KIFC3: variants seen among roughly 807,000 people sequenced by gnomAD.
The protein encoded by KIFC3 is kinesin family member C3.
Under a neutral mutation model 101.8 loss-of-function variants are expected in KIFC3, and 60 were observed. The observed-to-expected ratio is 0.59, with a 90% CI of 0.48 to 0.73. KIFC3 has a LOEUF of 0.73. KIFC3 is among the 30% of genes least tolerant of loss of function. The pLI is 0.00. For synonymous variants in KIFC3, 476 were observed against 482.7 expected (o/e 0.99, Z 0.18); for missense variants, 966 against 1,137.1 (o/e 0.85, Z 2.16).
rs188778851 is a variant in KIFC3, at chr16:57,816,780, C to G, written c.109-18498G>C. 18 of 454,650 alleles carry G rather than the reference C, an allele frequency of 4.0e-5. No homozygotes were observed. The East Asian group carries it at 1.2e-3, about 32-fold the overall frequency. The allele number at this position is 454,650 out of a possible 1,614,324, so 28.2% of individuals were successfully genotyped here. On this transcript the variant is annotated intron_variant, in intron 1 of 2. Coordinates refer to the KIFC3 transcript ENST00000563028. ...CACAGGGACAGCCACCCCTTCCAGG[C>G]AGGAGCTCATGGGAAACCAAGACCA...
rs782618261 is a variant in KIFC3, at chr16:57,762,151, A to C, written c.1737T>G (p.Asn579Lys). 1 of 1,603,338 alleles carries C rather than the reference A, an allele frequency of 6.2e-7. No individual in the cohort carries two copies. The highest frequency in any genetic ancestry group is 8.5e-7 in the Non-Finnish European group (1 of 1,174,458). ...TITVSAAEIYNEVLRDLLGKE... is the reference protein window; with the variant it reads ...TITVSAAEIYKEVLRDLLGKE... ...CCTGGGGCTCCCACCTGAGGACCTCATTGTAGATCTCCGCAGCGCTGACGG... is the reference window on the plus strand; with the variant it reads ...CCTGGGGCTCCCACCTGAGGACCTCCTTGTAGATCTCCGCAGCGCTGACGG... The change falls in exon 13 of 20, where the codon AAT becomes AAG. Residue 579 changes from asparagine (N) to lysine (K), a missense_variant. Physicochemically the swap from Asn to Lys is moderately conservative, Grantham distance 94. Transcript: ENST00000445690.
intron 3 of KIFC3, chr16:57,782,108 G>A: frequency 1.0e-6 from 1 of 985,518 alleles, no homozygotes; most frequent in Non-Finnish European, 1.2e-6. Flanking sequence ...CCACAGTGAG[G>A]CCAGCAGGAG....
chr16:57,839,806 T>C (rs1391375277), intron 1 of KIFC3, among the ~76,000 whole-genome samples: 1 of 132,292 alleles, frequency 7.6e-6, no homozygotes, highest in East Asian at 2.1e-4. Context: ...TTAGTGATTT[T>C]TTCCCCCCTG....
At chr16:57,798,347 G>A (rs2149219984) in intron 1 of KIFC3, 65 bp from the exon 2 acceptor site, 1 of 1,429,140 alleles carries the variant, frequency 7.0e-7, no homozygotes, top group East Asian at 2.5e-5. Context: ...ACCTCGGGCA[G>A]AGCCAGCCAT....
chr16:57,784,531 C>T (rs976889534), intron 3 of KIFC3, among the ~76,000 whole-genome samples: 7 of 152,328 alleles, frequency 4.6e-5, no homozygotes, highest in Admixed American at 3.3e-4. Context: ...AACAGGCAGA[C>T]GTCGGCATGT....
intron 1 of KIFC3, among the ~76,000 whole-genome samples, chr16:57,840,629 G>T (rs1241197701): frequency 6.6e-6 from 1 of 151,676 alleles, no homozygotes; most frequent in Non-Finnish European, 1.5e-5. Context: ...CCATGGTGGC[G>T]CATGGCTGTA....
chr16:57,806,855 G>A (rs1386991792), upstream of KIFC3, among the ~76,000 whole-genome samples: 2 of 152,172 alleles, frequency 1.3e-5, no homozygotes, highest in Non-Finnish European at 1.5e-5. Flanking sequence ...CCAATTAGCT[G>A]CTTTTTTGAA....
intron 1 of KIFC3, among the ~76,000 whole-genome samples, chr16:57,847,273 AAGGG>A (rs1302339297): frequency 5.5e-4 from 37 of 66,812 alleles, no homozygotes; most frequent in Middle Eastern, 9.6e-3. Context: ...GAAGGAAGGG[AAGGG>A]AGGGAGGGAG....
intron 1 of KIFC3, among the ~76,000 whole-genome samples, chr16:57,811,672 T>A (rs2055077360): frequency 6.6e-6 from 1 of 152,004 alleles, no homozygotes; most frequent in Non-Finnish European, 1.5e-5. Context: ...TCCTAGCACT[T>A]TGGGAGGCTG....
chr16:57,798,492 G>A (rs1555624285), intron 1 of KIFC3: 7 of 595,648 alleles, frequency 1.2e-5, no homozygotes, highest in African/African-American at 5.8e-5. Context: ...TTCCGAATAC[G>A]GAGGCTCCGA....
At chr16:57,816,159 A>C in intron 1 of KIFC3, 1 of 1,237,214 alleles carries the variant, frequency 8.1e-7, no homozygotes, top group Non-Finnish European at 1.0e-6. Flanking sequence ...GGGGAGAGGA[A>C]AGGGGAGGGT....
intron 1 of KIFC3, among the ~76,000 whole-genome samples, chr16:57,848,653 A>T (rs1382973595): frequency 1.3e-5 from 2 of 152,176 alleles, no homozygotes; most frequent in African/African-American, 4.8e-5. Context: ...AAAGACGCCC[A>T]TATGAAGCTA....
chr16:57,770,070 A>ATGTGTGTGTG, intron 7 of KIFC3, 115 bp from the exon 8 acceptor site: 3 of 1,212,822 alleles, frequency 2.5e-6, no homozygotes, highest in Non-Finnish European at 3.4e-6. Flanking sequence ...ATGCACACAC[A>ATGTGTGTGTG]CATGTGCACA....
At chr16:57,786,209 A>G (rs2053304942) in intron 3 of KIFC3, among the ~76,000 whole-genome samples, 1 of 152,136 alleles carries the variant, frequency 6.6e-6, no homozygotes, top group African/African-American at 2.4e-5. Context: ...AGCCAGCCCC[A>G]CACATGGAGC....
chr16:57,853,702 G>A (rs148700254), intron 1 of KIFC3, among the ~76,000 whole-genome samples: 1,598 of 152,198 alleles, frequency 0.01, 19 homozygotes, highest in South Asian at 0.046. Flanking sequence ...CACAATCTCC[G>A]CTCACTGCAA....
At chr16:57,808,130 T>C (rs2054984748), upstream of KIFC3, among the ~76,000 whole-genome samples, 2 of 152,188 alleles carry the variant, frequency 1.3e-5, no homozygotes, top group South Asian at 4.1e-4. Context: ...GGAGATTCCC[T>C]CCCTCCTAGC....
intron 2 of KIFC3, among the ~76,000 whole-genome samples, chr16:57,797,450 C>G (rs913766519): frequency 6.6e-6 from 1 of 152,186 alleles, no homozygotes; most frequent in African/African-American, 2.4e-5. Flanking sequence ...TTCGCAGCAC[C>G]GGGGGACATG....
At chr16:57,832,125 A>C (rs1390547668) in intron 1 of KIFC3, among the ~76,000 whole-genome samples, 13 of 151,972 alleles carry the variant, frequency 8.6e-5, no homozygotes, top group African/African-American at 3.1e-4. Context: ...GGTTCAAGCC[A>C]TTCTCTTGCC....
At chr16:57,848,501 G>A (rs1366250045) in intron 1 of KIFC3, among the ~76,000 whole-genome samples, 1 of 152,188 alleles carries the variant, frequency 6.6e-6, no homozygotes, top group Non-Finnish European at 1.5e-5. Flanking sequence ...TGTGGTGCAT[G>A]CCTGTAGTCC....
Sources: allele counts gnomAD v4.1 joint callset (sites outside exome capture counted in the v4.1 genomes callset), GRCh38; gene constraint gnomAD v4.1.1; transcripts MANE v1.5; gene names NCBI Gene and HGNC (gene_info 2026-07-23, HGNC 2026-07-21).